NR4A1: variants seen among roughly 807,000 people sequenced by gnomAD.
The protein encoded by NR4A1 is nuclear receptor subfamily 4immunitygroup A member 1.
A neutral mutation model predicts 47.5 loss-of-function variants in NR4A1; 24 were observed. That is an observed-to-expected ratio of 0.50 (90% CI 0.37 to 0.71). NR4A1 has a LOEUF of 0.71. Ranked by LOEUF, NR4A1 falls within the 30% of genes least tolerant of loss-of-function variation. The pLI, the probability that NR4A1 is intolerant of heterozygous loss-of-function variation, is 0.00. For missense variants in NR4A1, 669 were observed against 788.6 expected (o/e 0.85, Z 1.82); for synonymous variants, 353 against 345.7 (o/e 1.02, Z -0.24).
At chr12:52,051,858 G>A (rs928384759) in intron 1 of NR4A1, among the ~76,000 whole-genome samples, 5 of 152,118 alleles carry the variant, frequency 3.3e-5, no homozygotes, top group African/African-American at 1.2e-4. Flanking sequence ...AGTCTCCTAG[G>A]GTGCCCAACT....
intron 1 of NR4A1, among the ~76,000 whole-genome samples, chr12:52,041,476 G>A (rs1018230879): frequency 6.6e-6 from 1 of 152,134 alleles, no homozygotes; most frequent in Non-Finnish European, 1.5e-5. Context: ...TTCTGTGCCC[G>A]CAGCATGCCC....
At position 52,031,102 on chromosome 12, in the gene NR4A1, G is replaced by A. The variant is rs112430130; in HGVS notation, c.-84+8163G>A. 8.8e-3 allele frequency among the ~76,000 whole-genome samples: 1,335 copies of A among 152,236 alleles called. 7 individuals are homozygous for A. The highest frequency in any genetic ancestry group is 0.013 in the Non-Finnish European group (883 of 68,028). ...GCTGTCACAGCTCGCTACAGCCTCA[G>A]ACTCCTGGGCTCAAGTGATTCTCTC... On this transcript the variant is annotated intron_variant, in intron 1 of 7. Transcript: ENST00000360284.
At chr12:52,036,234 C>T (rs1938233008) in intron 1 of NR4A1, among the ~76,000 whole-genome samples, 1 of 152,160 alleles carries the variant, frequency 6.6e-6, no homozygotes, top group Admixed American at 6.5e-5. Context: ...GGGCTCCAGT[C>T]ACATGGGAGA....
chr12:52,028,155 T>C (rs754774396), intron 1 of NR4A1, among the ~76,000 whole-genome samples: 6 of 127,064 alleles, frequency 4.7e-5, no homozygotes, highest in African/African-American at 1.9e-4. Context: ...TGAGCCAAGA[T>C]TGTGCCACTA....
intron 1 of NR4A1, chr12:52,037,909 T>G (rs931715110): frequency 1.4e-4 from 138 of 984,182 alleles, no homozygotes; most frequent in Non-Finnish European, 1.6e-4. Flanking sequence ...GGCGTGTTTT[T>G]TTGTTGTTGT....
chr12:52,042,029 A>C, intron 2 of NR4A1: 7 of 1,136,296 alleles, frequency 6.2e-6, no homozygotes, highest in South Asian at 3.8e-5. Context: ...GGTTAGGGGG[A>C]TGGAGGGGAA....
At position 52,054,449 on chromosome 12, in the gene NR4A1, G is replaced by C. The variant is rs1312043826; in HGVS notation, c.121G>C (p.Glu41Gln). The C allele has an allele frequency of 6.2e-7, 1 of 1,613,438 alleles. No individual in the cohort carries two copies. The highest frequency in any genetic ancestry group is 2.2e-5 in the East Asian group (1 of 44,862). ...IKPTMDLASPEAAPAAPTALP... is the reference protein window; with the variant it reads ...IKPTMDLASPQAAPAAPTALP... ...GCCCACCATGGACCTGGCCAGCCCC[G>C]AGGCAGCCCCCGCTGCCCCCACTGC... The change falls in exon 2 of 7, where the codon GAG becomes CAG. Residue 41 changes from glutamate to glutamine, a missense_variant. By Grantham distance (29) the Glu-to-Gln change is conservative (BLOSUM62 2). Coordinates refer to ENST00000394825, the MANE Select transcript of NR4A1 (RefSeq NM_173157.3).
chr12:52,028,064 T>C (rs1243061516), intron 1 of NR4A1, among the ~76,000 whole-genome samples: 1 of 151,252 alleles, frequency 6.6e-6, no homozygotes, highest in Admixed American at 6.6e-5. Flanking sequence ...TAGCCGGGCG[T>C]GGTGGCATGT....
At chr12:52,053,424 C>T (rs1421625792) in intron 1 of NR4A1, 1 of 152,064 alleles carries the variant, frequency 6.6e-6, no homozygotes, top group Non-Finnish European at 1.5e-5. Flanking sequence ...TCTCAGAGTT[C>T]TCTTATTAAG....
chr12:52,058,500 T>TA, intron 6 of NR4A1, 188 bp from the exon 7 acceptor site: 2 of 725,202 alleles, frequency 2.8e-6, no homozygotes, highest in Non-Finnish European at 4.4e-6. Flanking sequence ...AGTATGAGGA[T>TA]AATGAGGGTT....
chr12:52,058,305 C>T (rs17126257), intron 6 of NR4A1, among the ~76,000 whole-genome samples: 8,581 of 152,144 alleles, frequency 0.056, 721 homozygotes, highest in African/African-American at 0.19. Flanking sequence ...GGGGACCCAA[C>T]GATATAGAAC....
chr12:52,034,686 GACA>G (rs1165239239), intron 1 of NR4A1, among the ~76,000 whole-genome samples: 1 of 152,208 alleles, frequency 6.6e-6, no homozygotes, highest in Non-Finnish European at 1.5e-5. Context: ...GGATCAGGGA[GACA>G]ACAACAGGGC....
chr12:52,046,172 G>A (rs574226543), intron 2 of NR4A1, among the ~76,000 whole-genome samples: 2 of 152,202 alleles, frequency 1.3e-5, no homozygotes, highest in African/African-American at 4.8e-5. Flanking sequence ...GAGGGGCAGC[G>A]TGGGAAAAGG....
In NR4A1 at chr12:52,054,409, C is replaced by T. The variant is rs1882117; in HGVS notation, c.81C>T (p.Thr27=). The T allele has an allele frequency of 5.0e-6, 8 of 1,613,786 alleles. No individual in the cohort carries two copies. In the Admixed American group the frequency reaches 1.0e-4, roughly 20 times the overall value. The change falls in exon 2 of 7, where the codon ACC becomes ACT. Residue 27 remains threonine (T), a synonymous_variant. Coordinates refer to ENST00000394825, the MANE Select transcript of NR4A1 (RefSeq NM_173157.3). ...ACCACCTGGCAAGCGACCCCCTGACCCCTGAGTTCATCAAGCCCACCATGG... is the reference window on the plus strand; with the variant it reads ...ACCACCTGGCAAGCGACCCCCTGACTCCTGAGTTCATCAAGCCCACCATGG... ...PRDHLASDPL[T]PEFIKPTMDL... is the part of the protein sequence containing the mutation.
At chr12:52,038,615 G>T in intron 1 of NR4A1, 1 of 694,924 alleles carries the variant, frequency 1.4e-6, no homozygotes. Flanking sequence ...CTTGCTCCTA[G>T]ATCTACTCCA....
chr12:52,055,446 A>G, intron 2 of NR4A1: 1 of 603,692 alleles, frequency 1.7e-6, no homozygotes, highest in East Asian at 2.8e-5. Context: ...GGGGTGAGAT[A>G]GGGGCAGATA....
chr12:52,055,862 C>G (rs563875322), intron 2 of NR4A1, 168 bp from the exon 3 acceptor site: 23 of 453,634 alleles, frequency 5.1e-5, no homozygotes, highest in Middle Eastern at 1.2e-3. Context: ...TCTCCCCCCG[C>G]CCAACCCCGT....
chr12:52,058,095 A>AT (rs954651996), intron 6 of NR4A1, among the ~76,000 whole-genome samples: 7 of 152,148 alleles, frequency 4.6e-5, no homozygotes, highest in African/African-American at 1.7e-4. Flanking sequence ...AAGTGCTGGG[A>AT]TTACAGGTGT....
At position 52,056,116 on chromosome 12, in the gene NR4A1, CT is replaced by C. The variant is rs777294300; in HGVS notation, c.964del (p.Cys322AlafsTer12). 1 of 1,612,012 alleles carries C rather than the reference CT, an allele frequency of 6.2e-7. No homozygotes were observed. Among genetic ancestry groups the C allele is most frequent in the South Asian group, 1.1e-5 (1 of 90,794 alleles). ...AGAGGCGGCGAAACCGCTGCCAGTT[CT>C]GCCGCTTCCAGAAGTGCCTGGCGGT... is the stretch of plus-strand genomic sequence containing the variant. The part of the protein sequence containing the change: ...DKRRRNRCQF[C>X]RFQKCLAVGM... On this transcript the variant is annotated frameshift_variant, in exon 3 of 7. Coordinates refer to ENST00000394825, the MANE Select transcript of NR4A1 (RefSeq NM_173157.3). LOFTEE classifies it high-confidence loss of function.
Sources: gnomAD v4.1 joint callset for allele counts (sites outside exome capture counted in the v4.1 genomes callset) on GRCh38, gnomAD v4.1.1 for gene constraint, MANE v1.5 for transcripts, NCBI Gene and HGNC (gene_info 2026-07-23, HGNC 2026-07-21) for gene names.